Variants in NALCN observed in about 807,000 individuals in gnomAD.
NALCN encodes the protein sodium leak channel NALCN.
Under a neutral mutation model 225.3 loss-of-function variants are expected in NALCN, and 111 were observed. The ratio of observed to expected loss-of-function variants is 0.49; its 90% CI spans 0.42 to 0.58. NALCN has a LOEUF of 0.58. Ranked by LOEUF, NALCN falls within the 20% of genes least tolerant of loss-of-function variation. NALCN has a pLI of 0.00. For missense variants in NALCN, 1,378 were observed against 2,202.4 expected (o/e 0.63, Z 7.49); for synonymous variants, 764 against 769.0 (o/e 0.99, Z 0.11).
chr13:101,184,661 C>T (rs1307936611), intron 14 of NALCN, among the ~76,000 whole-genome samples: 2 of 152,148 alleles, frequency 1.3e-5, no homozygotes, highest in Non-Finnish European at 2.9e-5. Context: ...ATGTAGTTCT[C>T]ATTCCCTCGG....
chr13:101,239,986 G>A (rs760984278), intron 11 of NALCN, among the ~76,000 whole-genome samples: 37 of 151,808 alleles, frequency 2.4e-4, no homozygotes, highest in South Asian at 6.2e-4. Flanking sequence ...GTTACTGTCC[G>A]TAACCTTGAC....
chr13:101,410,043 A>G (rs1465919809), intron 1 of NALCN, among the ~76,000 whole-genome samples: 1 of 152,182 alleles, frequency 6.6e-6, no homozygotes, highest in Non-Finnish European at 1.5e-5. Flanking sequence ...CCAGGAAGAC[A>G]GCCCTCACAG....
intron 7 of NALCN, among the ~76,000 whole-genome samples, chr13:101,344,446 A>G (rs559699597): frequency 9.8e-5 from 15 of 152,322 alleles, no homozygotes; most frequent in Admixed American, 9.2e-4. Context: ...GCCCACGTTC[A>G]GTACTATATT....
chr13:101,305,559 A>G (rs2044127112), intron 7 of NALCN, among the ~76,000 whole-genome samples: 1 of 152,212 alleles, frequency 6.6e-6, no homozygotes, highest in South Asian at 2.1e-4. Flanking sequence ...GCAAAAAGAG[A>G]CAACAATCAA....
intron 13 of NALCN, among the ~76,000 whole-genome samples, chr13:101,204,665 A>C (rs1349630374): frequency 6.6e-6 from 1 of 152,182 alleles, no homozygotes; most frequent in Non-Finnish European, 1.5e-5. Context: ...ATTGGCAAAA[A>C]CCAGCGAATC....
chr13:101,090,074 G>A (rs372257259), intron 28 of NALCN, 108 bp from the exon 29 acceptor site: 83 of 1,368,176 alleles, frequency 6.1e-5, no homozygotes, highest in South Asian at 7.9e-5. Flanking sequence ...GTGTGTGTGT[G>A]TATATACACA....
chr13:101,339,326 C>T (rs1468453356), intron 7 of NALCN, among the ~76,000 whole-genome samples: 1 of 152,080 alleles, frequency 6.6e-6, no homozygotes, highest in Non-Finnish European at 1.5e-5. Flanking sequence ...GCAAGATGTC[C>T]TTTAGATTAT....
intron 28 of NALCN, among the ~76,000 whole-genome samples, chr13:101,094,297 CT>C (rs1384827077): frequency 4.6e-5 from 7 of 152,138 alleles, no homozygotes; most frequent in African/African-American, 1.4e-4. Context: ...AGTCTCTCTT[CT>C]TGCCCTGCCC....
intron 9 of NALCN, among the ~76,000 whole-genome samples, chr13:101,290,353 T>C (rs1305044334): frequency 6.6e-6 from 1 of 152,178 alleles, no homozygotes; most frequent in East Asian, 1.9e-4. Flanking sequence ...GAGATCATAG[T>C]TCCATATTCC....
intron 17 of NALCN, among the ~76,000 whole-genome samples, chr13:101,135,008 C>A (rs1466011961): frequency 6.6e-6 from 1 of 152,120 alleles, no homozygotes; most frequent in Non-Finnish European, 1.5e-5. Context: ...TCCTGGCTAA[C>A]ACGGTGAAAC....
Position 101,147,524 on chromosome 13 carries a change from AAACAAACAAAAAAACTTTTGTTTT to A in NALCN, c.1840-2652_1840-2629del, listed in dbSNP as rs559992755. 1.4e-3 allele frequency among the ~76,000 whole-genome samples: 219 copies of A among 152,184 alleles called. 1 individual carries two copies. The highest frequency in any genetic ancestry group is 4.5e-3 in the African/African-American group (188 of 41,522). On this transcript the variant is annotated intron_variant, in intron 15 of 43. Transcript: ENST00000251127. ...CACCTGGCTACCCACTGCTTTTAAC[AAACAAACAAAAAAACTTTTGTTTT>A]AACAAACAAAAACAAAAATATAAAC...
intron 17 of NALCN, chr13:101,142,796 C>T (rs2037152241): frequency 4.9e-6 from 2 of 406,046 alleles, no homozygotes; most frequent in East Asian, 1.1e-4. Context: ...GATCCCAGCC[C>T]TTTATTCCGC....
intron 38 of NALCN, 78 bp downstream of exon 38, chr13:101,068,617 T>G (rs199769735): frequency 9.0e-5 from 122 of 1,352,464 alleles, no homozygotes; most frequent in Non-Finnish European, 9.2e-5. Flanking sequence ...AAATCCAGGG[T>G]AATTGCTTGA....
chr13:101,073,699 A>T, intron 36 of NALCN, 22 bp from the exon 37 acceptor site: 2 of 1,581,876 alleles, frequency 1.3e-6, no homozygotes, highest in Non-Finnish European at 1.7e-6. Context: ...AAAAAAAATT[A>T]ACAGAATGTG....
chr13:101,401,431 T>C (rs891426611), intron 1 of NALCN, among the ~76,000 whole-genome samples: 6 of 152,104 alleles, frequency 3.9e-5, no homozygotes, highest in African/African-American at 1.4e-4. Context: ...AGATGACACA[T>C]ACAAAGGAGC....
chr13:101,250,368 T>C (rs946155103), intron 11 of NALCN, among the ~76,000 whole-genome samples: 2 of 152,056 alleles, frequency 1.3e-5, no homozygotes, highest in Non-Finnish European at 2.9e-5. Context: ...CTAATAGATC[T>C]CAAGGTTTAT....
intron 11 of NALCN, among the ~76,000 whole-genome samples, chr13:101,247,328 TG>T (rs2041926601): frequency 6.6e-6 from 1 of 152,162 alleles, no homozygotes; most frequent in African/African-American, 2.4e-5. Context: ...TGACAAGAAC[TG>T]TGATATCACC....
At chr13:101,145,762 T>TCCCCA (rs2037316215) in intron 15 of NALCN, among the ~76,000 whole-genome samples, 1 of 152,106 alleles carries the variant, frequency 6.6e-6, no homozygotes, top group African/African-American at 2.4e-5. Context: ...GGAACACCCT[T>TCCCCA]CCCCACGTCT....
intron 6 of NALCN, among the ~76,000 whole-genome samples, chr13:101,355,321 A>G (rs1266149240): frequency 6.6e-6 from 1 of 152,072 alleles, no homozygotes; most frequent in Non-Finnish European, 1.5e-5. Context: ...GCAAAGACAC[A>G]CATAGGCTCA....
Sources: allele counts gnomAD v4.1 joint callset (sites outside exome capture counted in the v4.1 genomes callset), GRCh38; gene constraint gnomAD v4.1.1; transcripts MANE v1.5; gene names NCBI Gene and HGNC (gene_info 2026-07-23, HGNC 2026-07-21).